GATM: variants seen among roughly 807,000 people sequenced by gnomAD.
The protein encoded by GATM is glycine amidinotransferase.
Under a neutral mutation model 54.2 loss-of-function variants are expected in GATM, and 23 were observed. That is an observed-to-expected ratio of 0.42 (90% confidence interval 0.31 to 0.60). GATM has a LOEUF of 0.60. Among genes scored for constraint, GATM ranks in the 20% least tolerant of loss-of-function variants. GATM has a pLI of 0.14. For synonymous variants in GATM, 168 were observed against 183.1 expected (o/e 0.92, Z 0.67); for missense variants, 401 against 544.9 (o/e 0.74, Z 2.63).
At chr15:45,388,198 T>C (rs1889826652) in intron 3 of GATM, among the ~76,000 whole-genome samples, 1 of 152,160 alleles carries the variant, frequency 6.6e-6, no homozygotes, top group Admixed American at 6.5e-5. Context: ...AAGTCAGCCT[T>C]CTAAACTTGT....
chr15:45,391,212 CT>C (rs1889869564), intron 3 of GATM, among the ~76,000 whole-genome samples: 1 of 150,522 alleles, frequency 6.6e-6, no homozygotes, highest in Admixed American at 6.7e-5. Flanking sequence ...TGAGACCAGC[CT>C]GGCCAACACG....
chr15:45,362,926 T>C (rs1006835090), intron 8 of GATM, among the ~76,000 whole-genome samples: 1 of 152,218 alleles, frequency 6.6e-6, no homozygotes, highest in Middle Eastern at 3.2e-3. Context: ...GAGGATAGGC[T>C]ACAAAGTCAC....
At chr15:45,390,026 G>A (rs746060628) in intron 3 of GATM, among the ~76,000 whole-genome samples, 11 of 151,856 alleles carry the variant, frequency 7.2e-5, no homozygotes, top group Middle Eastern at 3.4e-3. Context: ...TAATTTTTGC[G>A]TTTTTAGTGG....
upstream of GATM, among the ~76,000 whole-genome samples, chr15:45,381,720 AAG>A (rs1398255652): frequency 6.6e-6 from 1 of 152,244 alleles, no homozygotes; most frequent in Non-Finnish European, 1.5e-5. Context: ...CACCTATTCT[AAG>A]AGACATTTGT....
intron 1 of GATM, 59 bp from the exon 2 acceptor site, chr15:45,376,878 G>A (rs190498282): frequency 2.7e-6 from 4 of 1,455,842 alleles, no homozygotes; most frequent in Admixed American, 3.9e-5. Context: ...CTTACAGAGA[G>A]GAGGAAGTGG....
At chr15:45,367,083 G>A (rs912933593) in intron 4 of GATM, among the ~76,000 whole-genome samples, 2 of 152,194 alleles carry the variant, frequency 1.3e-5, no homozygotes, top group Admixed American at 6.5e-5. Context: ...GCTCATGCCT[G>A]TAATCCCAGC....
chr15:45,391,496 G>A (rs948927484), intron 3 of GATM, among the ~76,000 whole-genome samples: 17 of 152,178 alleles, frequency 1.1e-4, no homozygotes, highest in East Asian at 3.8e-4. Context: ...GTGCCTAACC[G>A]TTGAGCAAGT....
At chr15:45,377,586 C>G (rs1889661054) in intron 1 of GATM, 1 of 277,576 alleles carries the variant, frequency 3.6e-6, no homozygotes, top group African/African-American at 2.3e-5. Flanking sequence ...CCTGAGCAAA[C>G]CTCAACCCCC....
chr15:45,369,056 G>A (rs112409007), intron 3 of GATM, among the ~76,000 whole-genome samples: 4 of 152,238 alleles, frequency 2.6e-5, no homozygotes, highest in Non-Finnish European at 4.4e-5. Context: ...AAAATTAAAC[G>A]AATCCACTGT....
intron 1 of GATM, among the ~76,000 whole-genome samples, chr15:45,400,239 A>C (rs1889984050): frequency 6.6e-6 from 1 of 152,216 alleles, no homozygotes; most frequent in Non-Finnish European, 1.5e-5. Flanking sequence ...TAAAATTTTA[A>C]AAATAAAAAG....
intron 1 of GATM, among the ~76,000 whole-genome samples, chr15:45,400,399 CAG>C (rs1889986342): frequency 6.6e-6 from 1 of 152,118 alleles, no homozygotes; most frequent in African/African-American, 2.4e-5. Flanking sequence ...TAGTTTTGCT[CAG>C]AGTGAGTGGA....
intron 2 of GATM, among the ~76,000 whole-genome samples, chr15:45,372,511 T>C (rs888299411): frequency 6.6e-6 from 1 of 152,208 alleles, no homozygotes; most frequent in Non-Finnish European, 1.5e-5. Flanking sequence ...ATAATGACTC[T>C]TTATATTCCT....
chr15:45,396,892 A>AT (rs1889940916), intron 3 of GATM: 1 of 141,080 alleles, frequency 7.1e-6, no homozygotes, highest in Non-Finnish European at 1.5e-5. Flanking sequence ...AAAAAAAAAA[A>AT]GCCATAAGTA....
chr15:45,388,507 C>T (rs1171251436), intron 3 of GATM, among the ~76,000 whole-genome samples: 3 of 152,284 alleles, frequency 2.0e-5, no homozygotes, highest in East Asian at 3.9e-4. Flanking sequence ...GGATACCACA[C>T]TATATTTCGT....
intron 4 of GATM, among the ~76,000 whole-genome samples, 160 bp downstream of exon 4, chr15:45,367,910 T>G (rs1367977782): frequency 6.6e-6 from 1 of 152,214 alleles, no homozygotes; most frequent in Non-Finnish European, 1.5e-5. Context: ...TCATTTACTC[T>G]TATCATATTC....
intron 3 of GATM, among the ~76,000 whole-genome samples, chr15:45,388,749 C>T (rs953228527): frequency 4.6e-5 from 7 of 152,110 alleles, no homozygotes; most frequent in Non-Finnish European, 1.0e-4. Context: ...GTAATATTCT[C>T]ATATCACTGA....
chr15:45,383,649 C>T (rs1334574428), intron 3 of GATM, among the ~76,000 whole-genome samples: 3 of 151,698 alleles, frequency 2.0e-5, no homozygotes, highest in African/African-American at 7.3e-5. Context: ...GGCTGGAGTG[C>T]AGTGGCATGA....
chr15:45,366,321 T>C, intron 5 of GATM, 50 bp downstream of exon 5: 2 of 1,611,576 alleles, frequency 1.2e-6, no homozygotes, highest in African/African-American at 2.7e-5. Flanking sequence ...AATTTGGAAG[T>C]AAAGAATACA....
intron 3 of GATM, among the ~76,000 whole-genome samples, chr15:45,369,075 A>G (rs555713125): frequency 6.6e-6 from 1 of 152,360 alleles, no homozygotes; most frequent in South Asian, 2.1e-4. Context: ...GTTATTATGT[A>G]AGGAAATGGC....
Sources: allele counts gnomAD v4.1 joint callset (sites outside exome capture counted in the v4.1 genomes callset), GRCh38; gene constraint gnomAD v4.1.1; transcripts MANE v1.5; gene names NCBI Gene and HGNC (gene_info 2026-07-23, HGNC 2026-07-21).